KAZN: variants seen among roughly 807,000 people sequenced by gnomAD.
KAZN encodes the protein kazrin.
A neutral mutation model predicts 87.4 loss-of-function variants in KAZN; 40 were observed. That is an observed-to-expected ratio of 0.46 (90% confidence interval 0.36 to 0.60). The LOEUF is 0.60. Ranked by LOEUF, KAZN falls within the 20% of genes least tolerant of loss-of-function variation. The probability of loss-of-function intolerance (pLI) is 0.00; values close to 1 mark genes in which losing one functional copy is unlikely to be tolerated. For synonymous variants in KAZN, 466 were observed against 458.3 expected (o/e 1.02, Z -0.22); for missense variants, 898 against 1,073.9 (o/e 0.84, Z 2.29).
In KAZN at chr1:14,902,001, A is replaced by G. The variant is rs139937440; in HGVS notation, c.227-58683A>G. 2.4e-3 allele frequency among the ~76,000 whole-genome samples: 371 copies of G among 152,328 alleles called. 1 individual carries two copies. Among genetic ancestry groups the G allele is most frequent in the African/African-American group, 8.4e-3 (350 of 41,582 alleles). On this transcript the variant is annotated intron_variant, in intron 1 of 14. Transcript: ENST00000376030. Reference sequence around the variant, plus strand: ...CTAATAAAACTGGTAAAGGCAACTTATGCAGATGTGTATGCAGACACAGAG... The same window carrying G: ...CTAATAAAACTGGTAAAGGCAACTTGTGCAGATGTGTATGCAGACACAGAG...
In KAZN at chr1:13,953,103, G is replaced by T. The variant is rs140389661; in HGVS notation, c.91+59347G>T. On this transcript the variant is annotated intron_variant, in intron 1 of 16. Transcript: ENST00000636203. Reference sequence around the variant, plus strand: ...CAGGCTGTGGTGGGAACTACAGAACGGCCCCCGAATTCAATAGACAATTGG... The same window carrying T: ...CAGGCTGTGGTGGGAACTACAGAACTGCCCCCGAATTCAATAGACAATTGG... Among the ~76,000 whole-genome samples, 648 of 152,132 alleles carry T rather than the reference G, an allele frequency of 4.3e-3. 3 individuals are homozygous for T. The highest frequency in any genetic ancestry group is 0.015 in the African/African-American group (621 of 41,516).
chr1:14,822,689 G>A (rs1022792345), intron 1 of KAZN, among the ~76,000 whole-genome samples: 3 of 152,192 alleles, frequency 2.0e-5, no homozygotes, highest in Non-Finnish European at 2.9e-5. Context: ...CCTGACGTAG[G>A]ATGCCCCAGT....
At chr1:15,046,490 A>C (rs56250631) in intron 4 of KAZN, among the ~76,000 whole-genome samples, 14,822 of 152,110 alleles carry the variant, frequency 0.097, 2,407 homozygotes, top group African/African-American at 0.34. Context: ...AATCAGACCC[A>C]CGCACCCATG....
rs139156368 is a variant in KAZN, at chr1:15,020,460, G to A, written c.419-14289G>A. Among the ~76,000 whole-genome samples the A allele has an allele frequency of 5.4e-4, 82 of 152,214 alleles. 1 individual carries two copies. The highest frequency in any genetic ancestry group is 1.5e-4 in the Non-Finnish European group (10 of 68,006). On this transcript the variant is annotated intron_variant, in intron 2 of 14. Coordinates refer to ENST00000376030, the MANE Select transcript of KAZN (RefSeq NM_201628.3). ...TATCCCCCTCCGAAGGTAGCCTGTC[G>A]CTGACTTCTAGCCATGGAGATTAAT...
At chr1:14,555,640 A>G (rs1379270915) in intron 2 of KAZN, among the ~76,000 whole-genome samples, 3 of 152,208 alleles carry the variant, frequency 2.0e-5, no homozygotes, top group African/African-American at 7.2e-5. Context: ...ATCCCCAGGC[A>G]TTTTAGAGTC....
At chr1:14,776,387 T>A (rs995655886) in intron 1 of KAZN, among the ~76,000 whole-genome samples, 3 of 152,084 alleles carry the variant, frequency 2.0e-5, no homozygotes, top group Non-Finnish European at 4.4e-5. Context: ...TGGCACAGAG[T>A]GCTATGCCCA....
chr1:14,026,000 G>A (rs1641054428), intron 1 of KAZN, among the ~76,000 whole-genome samples: 1 of 152,046 alleles, frequency 6.6e-6, no homozygotes, highest in Non-Finnish European at 1.5e-5. Flanking sequence ...CACCCCAAAT[G>A]AGTTCACCTT....
chr1:14,987,425 T>G (rs1176452771), intron 2 of KAZN, among the ~76,000 whole-genome samples: 1 of 150,772 alleles, frequency 6.6e-6, no homozygotes, highest in African/African-American at 2.4e-5. Context: ...ACCCAGGAGG[T>G]GGAGGTGGCA....
chr1:13,928,507 C>G (rs1237044418), intron 1 of KAZN, among the ~76,000 whole-genome samples: 1 of 152,190 alleles, frequency 6.6e-6, no homozygotes, highest in African/African-American at 2.4e-5. Flanking sequence ...TGAAATCATG[C>G]TTGTCACTAG....
intron 2 of KAZN, among the ~76,000 whole-genome samples, chr1:14,220,319 A>G (rs1433635726): frequency 1.3e-5 from 2 of 152,096 alleles, no homozygotes; most frequent in Non-Finnish European, 2.9e-5. Flanking sequence ...TCTTCTTCCA[A>G]CCAAATCCTT....
chr1:14,047,553 G>T (rs1478280192), intron 1 of KAZN, among the ~76,000 whole-genome samples: 1 of 152,136 alleles, frequency 6.6e-6, no homozygotes, highest in Non-Finnish European at 1.5e-5. Flanking sequence ...CAAGCTGCTT[G>T]CAGTACTTCT....
intron 2 of KAZN, among the ~76,000 whole-genome samples, chr1:14,412,285 C>T (rs1486424483): frequency 6.6e-6 from 1 of 152,192 alleles, no homozygotes; most frequent in African/African-American, 2.4e-5. Flanking sequence ...TAAACAAGAT[C>T]TATATGCTCT....
intron 2 of KAZN, among the ~76,000 whole-genome samples, chr1:14,990,304 C>T (rs1667228017): frequency 6.6e-6 from 1 of 152,170 alleles, no homozygotes; most frequent in Non-Finnish European, 1.5e-5. Flanking sequence ...CTCACTGCAA[C>T]CTCCACCTCC....
At chr1:14,720,912 C>G (rs942879002) in intron 1 of KAZN, among the ~76,000 whole-genome samples, 2 of 152,182 alleles carry the variant, frequency 1.3e-5, no homozygotes, top group African/African-American at 4.8e-5. Context: ...TGCTGCCTCC[C>G]CAGTGAGTGT....
intron 2 of KAZN, among the ~76,000 whole-genome samples, chr1:14,347,322 C>T (rs17396172): frequency 0.16 from 24,348 of 152,110 alleles, 2,475 homozygotes; most frequent in Middle Eastern, 0.27. Context: ...TCCAGGCACA[C>T]GACCCAGCTA....
rs1219653139 is a variant in KAZN, at chr1:14,883,318, A to AAGAG, written c.227-77344_227-77341dup. ...CTCAAAAGAAAGAAAGAAAGAAAGA[A>AAGAG]AGAGAGAGAGAGAGAGAGAGAGAGA... On this transcript the variant is annotated intron_variant, in intron 1 of 14. Coordinates refer to ENST00000376030, the MANE Select transcript of KAZN (RefSeq NM_201628.3). Among the ~76,000 whole-genome samples the AAGAG allele has an allele frequency of 5.6e-3, 218 of 38,596 alleles. 31 individuals are homozygous for AAGAG. The highest frequency in any genetic ancestry group is 0.032 in the South Asian group (20 of 634). 25.3% of individuals were successfully genotyped at this position (38,596 alleles called of 152,430 possible). A position where few individuals can be genotyped will look rare whatever the true frequency, so the allele number is the denominator to read the frequency against.
intron 1 of KAZN, among the ~76,000 whole-genome samples, chr1:14,847,258 C>T (rs1321087862): frequency 6.6e-6 from 1 of 152,340 alleles, no homozygotes; most frequent in East Asian, 1.9e-4. Flanking sequence ...CCGCCAAGGG[C>T]TTCCGAAGTT....
chr1:13,916,005 G>A (rs1015975484), intron 1 of KAZN, among the ~76,000 whole-genome samples: 1 of 152,204 alleles, frequency 6.6e-6, no homozygotes, highest in East Asian at 1.9e-4. Flanking sequence ...GCTGTGGCAG[G>A]GGTTGGGGGC....
intron 2 of KAZN, among the ~76,000 whole-genome samples, chr1:14,548,837 A>C (rs115375882): frequency 0.014 from 2,130 of 152,310 alleles, 27 homozygotes; most frequent in Non-Finnish European, 0.022. Flanking sequence ...AGGGCATTAC[A>C]CAGGCACGGA....
Sources: gnomAD v4.1 joint callset for allele counts (sites outside exome capture counted in the v4.1 genomes callset) on GRCh38, gnomAD v4.1.1 for gene constraint, MANE v1.5 for transcripts, NCBI Gene and HGNC (gene_info 2026-07-23, HGNC 2026-07-21) for gene names.